The following ST3GAL6 variants were observed in gnomAD, a reference collection of about 807,000 sequenced individuals.
ST3GAL6 encodes the protein ST3 beta-galactoside alpha-2,3-sialyltransferase 6.
ST3GAL6 carries 31 observed loss-of-function variants against 40.5 expected under a neutral mutation model. That is an observed-to-expected ratio of 0.77 (90% confidence interval 0.58 to 1.03). The LOEUF is 1.03. Among genes scored for constraint, ST3GAL6 ranks in the 50% least tolerant of loss-of-function variants. The pLI is 0.00. For synonymous variants in ST3GAL6, 129 were observed against 136.9 expected (o/e 0.94, Z 0.40); for missense variants, 357 against 393.2 (o/e 0.91, Z 0.78).
chr3:98,754,512 A>G (rs1431422341), intron 1 of ST3GAL6, among the ~76,000 whole-genome samples: 1 of 152,232 alleles, frequency 6.6e-6, no homozygotes, highest in Non-Finnish European at 1.5e-5. Flanking sequence ...TTGAAATGAC[A>G]ACAAAGGGTT....
Position 98,785,695 on chromosome 3 carries a change from A to G in ST3GAL6, c.431+655A>G, listed in dbSNP as rs566361260. On this transcript the variant is annotated intron_variant, in intron 6 of 9. Coordinates refer to ENST00000483910, the MANE Select transcript of ST3GAL6 (RefSeq NM_001323368.2). Reference sequence around the variant, plus strand: ...TAGAAACTTGGATTTTAAGTGCAACAGGAAGCTTTTTAAGGGTTTTAAGCA... The same window carrying G: ...TAGAAACTTGGATTTTAAGTGCAACGGGAAGCTTTTTAAGGGTTTTAAGCA... 1.1e-4 allele frequency among the ~76,000 whole-genome samples: 16 copies of G among 152,330 alleles called. 1 individual carries two copies. Among genetic ancestry groups the G allele is most frequent in the African/African-American group, 3.8e-4 (16 of 41,580 alleles).
At chr3:98,747,132 C>T (rs756634252) in intron 1 of ST3GAL6, among the ~76,000 whole-genome samples, 4 of 152,178 alleles carry the variant, frequency 2.6e-5, no homozygotes, top group Non-Finnish European at 5.9e-5. Context: ...GAACACAGAA[C>T]AAAGCATTCC....
intron 5 of ST3GAL6, among the ~76,000 whole-genome samples, chr3:98,774,203 A>G (rs1468635853): frequency 6.6e-6 from 1 of 152,206 alleles, no homozygotes; most frequent in African/African-American, 2.4e-5. Flanking sequence ...CTTGATGATG[A>G]TCAACACTGG....
At chr3:98,759,698 G>A (rs1196803863), upstream of ST3GAL6, among the ~76,000 whole-genome samples, 1 of 151,808 alleles carries the variant, frequency 6.6e-6, no homozygotes, top group Admixed American at 6.6e-5. Context: ...CAACTCTTGC[G>A]GTCTTCCCAG....
intron 3 of ST3GAL6, among the ~76,000 whole-genome samples, chr3:98,771,988 C>G (rs902469038): frequency 1.3e-5 from 2 of 152,046 alleles, no homozygotes; most frequent in East Asian, 3.9e-4. Context: ...AGATGCCGAT[C>G]GTGACTCACA....
chr3:98,795,155 A>C lies in ST3GAL6; in HGVS notation c.*1394A>C, dbSNP rs1448369389. 6.6e-6 allele frequency: 1 copy of C among 152,194 alleles called. No individual in the cohort carries two copies. Among genetic ancestry groups the C allele is most frequent in the East Asian group, 1.9e-4 (1 of 5,186 alleles). 9.4% of individuals were successfully genotyped at this position (152,194 alleles called of 1,614,324 possible). On this transcript the variant is annotated 3_prime_UTR_variant, in exon 10 of 10. Coordinates refer to ENST00000483910, the MANE Select transcript of ST3GAL6 (RefSeq NM_001323368.2). ...GAGAGGTGAAGAAACAGAAAAATAGAGGTTATAAGGATGGAACTAAAAGTT... is the reference window on the plus strand; with the variant it reads ...GAGAGGTGAAGAAACAGAAAAATAGCGGTTATAAGGATGGAACTAAAAGTT...
At position 98,791,847 on chromosome 3, in the gene ST3GAL6, A is replaced by C. The variant is rs868051306; in HGVS notation, c.763A>C (p.Lys255Gln). 1 of 1,605,854 alleles carries C rather than the reference A, an allele frequency of 6.2e-7. No individual in the cohort carries two copies. The highest frequency in any genetic ancestry group is 1.3e-5 in the African/African-American group (1 of 74,734). Residue 255 changes from lysine to glutamine, a missense_variant, in exon 9 of 10, where the codon AAA (lysine) becomes CAA (glutamine). Lys to Gln is a moderately conservative substitution (Grantham distance 53). Transcript: ENST00000483910. ...TTTTCATCCCCTCCCCCAGAAACCT[A>C]AACACCCAACAACAGGAATTATTGC... ...PKVFPKNQKP[K>Q]HPTTGIIAIT...
At chr3:98,747,227 G>T (rs1161527864) in intron 1 of ST3GAL6, among the ~76,000 whole-genome samples, 1 of 152,082 alleles carries the variant, frequency 6.6e-6, no homozygotes, top group Admixed American at 6.6e-5. Context: ...AAGAGAAATT[G>T]GTTATAAGAA....
At chr3:98,768,585 C>G in intron 2 of ST3GAL6, 56 bp downstream of exon 2, 1 of 1,316,970 alleles carries the variant, frequency 7.6e-7, no homozygotes, top group Non-Finnish European at 1.1e-6. Flanking sequence ...TCACACAAAT[C>G]CACAAATTAT....
At chr3:98,741,355 T>C (rs1469347292) in intron 1 of ST3GAL6, among the ~76,000 whole-genome samples, 1 of 152,098 alleles carries the variant, frequency 6.6e-6, no homozygotes, top group Non-Finnish European at 1.5e-5. Flanking sequence ...GAAGTCCTCC[T>C]TGAAGAACAG....
chr3:98,775,801 A>G (rs1939495964), intron 5 of ST3GAL6, among the ~76,000 whole-genome samples: 1 of 152,018 alleles, frequency 6.6e-6, no homozygotes, highest in South Asian at 2.1e-4. Context: ...TGCTAAGTTC[A>G]TTTCTTAGCA....
At chr3:98,785,142 T>C (rs1345333540) in intron 6 of ST3GAL6, 102 bp downstream of exon 6, 2 of 800,226 alleles carry the variant, frequency 2.5e-6, no homozygotes, top group African/African-American at 1.7e-5. Flanking sequence ...ATGTTTCCAT[T>C]TGGTTTTTTT....
chr3:98,777,156 G>A (rs1038603865), intron 5 of ST3GAL6, among the ~76,000 whole-genome samples: 1 of 152,180 alleles, frequency 6.6e-6, no homozygotes, highest in Non-Finnish European at 1.5e-5. Context: ...AGGAAAGGGC[G>A]AAGGGCATAC....
chr3:98,778,025 C>G (rs908588412), intron 5 of ST3GAL6, among the ~76,000 whole-genome samples: 1 of 152,168 alleles, frequency 6.6e-6, no homozygotes, highest in Non-Finnish European at 1.5e-5. Flanking sequence ...ACAGCAGCAA[C>G]CCTAAATGAT....
chr3:98,757,224 G>C (rs1217801840), intron 1 of ST3GAL6, among the ~76,000 whole-genome samples: 2 of 152,196 alleles, frequency 1.3e-5, no homozygotes, highest in East Asian at 3.8e-4. Flanking sequence ...TAGCAAATTT[G>C]TTTGGAGATC....
chr3:98,795,738 G>A lies in ST3GAL6; in HGVS notation c.*1977G>A, dbSNP rs899448032. On this transcript the variant is annotated 3_prime_UTR_variant, in exon 10 of 10. Coordinates refer to ENST00000483910, the MANE Select transcript of ST3GAL6 (RefSeq NM_001323368.2). Reference sequence around the variant, plus strand: ...TACTATGCTCACAACCTGGATGATGGGATCATTCATACCACAAACCTCAGT... The same window carrying A: ...TACTATGCTCACAACCTGGATGATGAGATCATTCATACCACAAACCTCAGT... 2 of 151,944 alleles carry A rather than the reference G, an allele frequency of 1.3e-5. No homozygotes were observed. The highest frequency in any genetic ancestry group is 2.4e-5 in the African/African-American group (1 of 41,330). 9.4% of individuals were successfully genotyped at this position (151,944 alleles called of 1,614,324 possible). A position where few individuals can be genotyped will look rare whatever the true frequency, so the allele number is the denominator to read the frequency against.
At chr3:98,783,542 T>C in intron 5 of ST3GAL6, 2 of 980,734 alleles carry the variant, frequency 2.0e-6, no homozygotes, top group Non-Finnish European at 2.4e-6. Context: ...GACATTGATT[T>C]CATTTTTGCT....
intron 1 of ST3GAL6, among the ~76,000 whole-genome samples, chr3:98,750,446 A>G (rs1185893287): frequency 6.6e-6 from 1 of 151,938 alleles, no homozygotes; most frequent in African/African-American, 2.4e-5. Flanking sequence ...TAGTTAGAAG[A>G]CTCTGTACAG....
chr3:98,782,845 C>G (rs1338955635), intron 5 of ST3GAL6: 4 of 484,176 alleles, frequency 8.3e-6, no homozygotes, highest in Middle Eastern at 8.7e-4. Flanking sequence ...CTACCTCTTT[C>G]CTGATTTTGC....
Sources: gnomAD v4.1 joint callset for allele counts (sites outside exome capture counted in the v4.1 genomes callset) on GRCh38, gnomAD v4.1.1 for gene constraint, MANE v1.5 for transcripts, NCBI Gene and HGNC (gene_info 2026-07-23, HGNC 2026-07-21) for gene names.